The following ZNF516 variants were observed in gnomAD, a reference collection of about 807,000 sequenced individuals.
ZNF516 encodes zinc finger protein 516.
Under a neutral mutation model 79.7 loss-of-function variants are expected in ZNF516, and 19 were observed. The observed-to-expected ratio is 0.24, with a 90% confidence interval of 0.17 to 0.35. The LOEUF (loss-of-function observed/expected upper bound fraction) is 0.35, where lower values mean the gene tolerates loss of function less well. Ranked by LOEUF, ZNF516 falls within the 10% of genes least tolerant of loss-of-function variation. ZNF516 has a pLI of 1.00. For missense variants in ZNF516, 1,678 were observed against 1,679.5 expected (o/e 1.00, Z 0.02); for synonymous variants, 877 against 739.5 (o/e 1.19, Z -3.02).
intron 1 of ZNF516, among the ~76,000 whole-genome samples, chr18:76,473,625 C>A (rs1222807637): frequency 6.6e-6 from 1 of 151,858 alleles, no homozygotes. Context: ...CACGGTGAAA[C>A]CCTGTCTCTA....
intron 3 of ZNF516, among the ~76,000 whole-genome samples, chr18:76,412,622 G>A (rs1187284114): frequency 6.6e-6 from 1 of 152,170 alleles, no homozygotes; most frequent in Non-Finnish European, 1.5e-5. Context: ...AGGGAGGGGA[G>A]GCCGGAGGAT....
intron 6 of ZNF516, among the ~76,000 whole-genome samples, chr18:76,365,102 T>C (rs1174498566): frequency 6.6e-5 from 10 of 152,216 alleles, no homozygotes; most frequent in Admixed American, 5.9e-4. Context: ...TCTCCATCAT[T>C]TGCATTATAA....
intron 3 of ZNF516, among the ~76,000 whole-genome samples, chr18:76,411,027 C>T (rs983637276): frequency 6.6e-6 from 1 of 152,228 alleles, no homozygotes; most frequent in African/African-American, 2.4e-5. Flanking sequence ...AGAATTCTAA[C>T]ACAGCTTTGC....
intron 3 of ZNF516, among the ~76,000 whole-genome samples, chr18:76,422,687 G>A (rs374308187): frequency 1.3e-5 from 2 of 152,082 alleles, no homozygotes; most frequent in African/African-American, 2.4e-5. Flanking sequence ...AAGCAGGGAC[G>A]GGATGATGGG....
Position 76,493,260 on chromosome 18 carries a change from G to A in ZNF516, c.-272+1884C>T. The stretch of plus-strand genomic sequence containing the variant: ...TTGTACTTCCACAAAGGATGGAAAG[G>A]GAAATTCACGAAGGGAGTGGAGGCG... On this transcript the variant is annotated intron_variant, in intron 1 of 6. Transcript: ENST00000443185. This position sits in a 1 kb window ranked among gnomAD's most constrained non-coding sequence, Gnocchi z 5.2. The A allele has an allele frequency of 2.2e-6, 2 of 902,422 alleles. No individual in the cohort carries two copies. Among genetic ancestry groups the A allele is most frequent in the African/African-American group, 1.8e-5 (1 of 54,354 alleles). 55.9% of individuals were successfully genotyped at this position (902,422 alleles called of 1,614,324 possible). A position where few individuals can be genotyped will look rare whatever the true frequency, so the allele number is the denominator to read the frequency against.
intron 4 of ZNF516, among the ~76,000 whole-genome samples, chr18:76,373,663 C>A (rs1018893580): frequency 2.0e-5 from 3 of 152,244 alleles, no homozygotes; most frequent in Non-Finnish European, 4.4e-5. Flanking sequence ...ACATGGATAG[C>A]CCTCCCACTC....
At chr18:76,411,496 A>G (rs995231170) in intron 3 of ZNF516, among the ~76,000 whole-genome samples, 1 of 152,260 alleles carries the variant, frequency 6.6e-6, no homozygotes, top group African/African-American at 2.4e-5. Context: ...CAGAGTTAAT[A>G]GACAAGACAC....
chr18:76,444,809 A>G (rs1911943075), intron 2 of ZNF516, among the ~76,000 whole-genome samples: 1 of 152,238 alleles, frequency 6.6e-6, no homozygotes, highest in Non-Finnish European at 1.5e-5. Context: ...CCCAGATAAC[A>G]GCAAGACAGG....
At chr18:76,460,471 G>T (rs147153075) in intron 2 of ZNF516, among the ~76,000 whole-genome samples, 2 of 151,972 alleles carry the variant, frequency 1.3e-5, no homozygotes, top group Admixed American at 6.6e-5. Flanking sequence ...AGTAACATCC[G>T]GGGCTACAAA....
At chr18:76,495,645 GC>G (rs1915452325), upstream of ZNF516, 1 of 983,486 alleles carries the variant, frequency 1.0e-6, no homozygotes, top group Non-Finnish European at 1.3e-6. Context: ...GGCTGCTGCA[GC>G]CCCGGCTCCC....
At chr18:76,458,995 GGTGT>G (rs373141568) in intron 2 of ZNF516, among the ~76,000 whole-genome samples, 47 of 152,104 alleles carry the variant, frequency 3.1e-4, no homozygotes, top group East Asian at 3.9e-4. Flanking sequence ...TGTGCCCGAG[GGTGT>G]GTGTGTGTGT....
rs1457514291 is a variant in ZNF516, at chr18:76,467,555, T to A, written c.-271-4414A>T. Among the ~76,000 whole-genome samples, 2 of 152,070 alleles carry A rather than the reference T, an allele frequency of 1.3e-5. No homozygotes were observed. The highest frequency in any genetic ancestry group is 2.1e-4 in the South Asian group (1 of 4,822). ...CTGGAGGCTGCAAGTAAGTGCTCAG[T>A]CAAGGAGGGGACAAGGCTTCGGAGG... On this transcript the variant is annotated intron_variant, in intron 1 of 6. Coordinates refer to ENST00000443185, the MANE Select transcript of ZNF516 (RefSeq NM_014643.4). This position sits in a 1 kb window ranked among gnomAD's most constrained non-coding sequence, Gnocchi z 4.2.
At position 76,473,903 on chromosome 18, in the gene ZNF516, T is replaced by TGTGTGTGTGG. The variant is rs58634236; in HGVS notation, c.-271-10763_-271-10762insCCACACACAC. 6.8e-3 allele frequency among the ~76,000 whole-genome samples: 370 copies of TGTGTGTGTGG among 54,170 alleles called. 26 individuals carry two copies. Among genetic ancestry groups the TGTGTGTGTGG allele is most frequent in the Middle Eastern group, 0.014 (1 of 70 alleles). The allele number at this position is 54,170 out of a possible 152,430, so 35.5% of individuals were successfully genotyped here. ...CACTGGGTTGTTGGTTGTTTTTGTG[T>TGTGTGTGTGG]GGGGGGGGGGGGGGCTTTCTTTTTG... On this transcript the variant is annotated intron_variant, in intron 1 of 6. Transcript: ENST00000443185.
In ZNF516 at chr18:76,442,925, G is replaced by T; in HGVS notation, c.130C>A (p.Pro44Thr). The change falls in exon 3 of 7, where the codon CCC (proline) becomes ACC (threonine). Residue 44 changes from proline (P) to threonine (T), a missense_variant. Pro to Thr is a conservative substitution (Grantham distance 38, BLOSUM62 -1). Coordinates refer to ENST00000443185, the MANE Select transcript of ZNF516 (RefSeq NM_014643.4). Reference sequence around the variant, plus strand: ...TGCTGCGAAAGCGAGCTCTGGAAGGGGAAGCTCTTGCCGCAGATGCAGCAG... The same window carrying T: ...TGCTGCGAAAGCGAGCTCTGGAAGGTGAAGCTCTTGCCGCAGATGCAGCAG... Reference protein sequence around the residue: ...HTCCICGKSFPFQSSLSQHMR... With the variant: ...HTCCICGKSFTFQSSLSQHMR... 6.2e-7 allele frequency: 1 copy of T among 1,612,368 alleles called. No homozygotes were observed. Among genetic ancestry groups the T allele is most frequent in the South Asian group, 1.1e-5 (1 of 91,090 alleles).
intron 3 of ZNF516, among the ~76,000 whole-genome samples, chr18:76,397,601 C>T (rs2075164678): frequency 6.6e-6 from 1 of 152,090 alleles, no homozygotes; most frequent in Non-Finnish European, 1.5e-5. Context: ...ACTCTGGACA[C>T]GATATTTTAT....
At chr18:76,461,937 G>A (rs1186641686) in intron 2 of ZNF516, among the ~76,000 whole-genome samples, 1 of 152,236 alleles carries the variant, frequency 6.6e-6, no homozygotes, top group Non-Finnish European at 1.5e-5. Context: ...CGTGTGGTAT[G>A]TGGGGAAACC....
At chr18:76,399,114 T>C (rs1015369732) in intron 3 of ZNF516, among the ~76,000 whole-genome samples, 4 of 152,174 alleles carry the variant, frequency 2.6e-5, no homozygotes, top group African/African-American at 4.8e-5. Context: ...GCCCAAGCTA[T>C]AGCCCGACTC....
intron 1 of ZNF516, among the ~76,000 whole-genome samples, chr18:76,469,803 A>G (rs1267875838): frequency 1.2e-4 from 18 of 152,256 alleles, no homozygotes; most frequent in Admixed American, 1.2e-3. Context: ...AAACCAATAC[A>G]GGCACTGAAC....
intron 1 of ZNF516, among the ~76,000 whole-genome samples, chr18:76,488,942 G>C (rs957927530): frequency 1.3e-5 from 2 of 152,136 alleles, no homozygotes; most frequent in African/African-American, 4.8e-5. Flanking sequence ...AATCAAAATA[G>C]AGTAAAAAAC....
Sources: allele counts gnomAD v4.1 joint callset (sites outside exome capture counted in the v4.1 genomes callset), GRCh38; gene constraint gnomAD v4.1.1; non-coding constraint Gnocchi (gnomAD v3.1); transcripts MANE v1.5; gene names NCBI Gene and HGNC (gene_info 2026-07-23, HGNC 2026-07-21).